The following SUGCT variants were observed in gnomAD, a reference collection of about 807,000 sequenced individuals.
The protein encoded by SUGCT is succinyl-CoA:glutarate-CoA transferase, also known as succinyl-CoA:glutarate CoA-transferase.
A neutral mutation model predicts 55.0 loss-of-function variants in SUGCT; 41 were observed. The ratio of observed to expected loss-of-function variants is 0.74; its 90% CI spans 0.58 to 0.97. The LOEUF is 0.97. Ranked by LOEUF, SUGCT falls within the 50% of genes least tolerant of loss-of-function variation. The pLI is 0.00. For missense variants in SUGCT, 568 were observed against 547.8 expected, an observed-to-expected ratio of 1.04 and a Z score of -0.37; for synonymous variants, 187 against 200.4, an observed-to-expected ratio of 0.93 and a Z score of 0.56.
chr7:40,836,191 C>G (rs545053426), intron 13 of SUGCT, among the ~76,000 whole-genome samples: 1 of 152,210 alleles, frequency 6.6e-6, no homozygotes, highest in African/African-American at 2.4e-5. Context: ...GAGCCCTGTG[C>G]TCAGGCATAT....
intron 1 of SUGCT, among the ~76,000 whole-genome samples, chr7:40,158,004 C>T (rs1050442518): frequency 5.3e-5 from 8 of 151,904 alleles, no homozygotes; most frequent in Non-Finnish European, 8.8e-5. Context: ...GTCAAGAGTT[C>T]AAGACCAGCC....
At chr7:40,594,745 T>C (rs1393288346) in intron 12 of SUGCT, among the ~76,000 whole-genome samples, 1 of 152,176 alleles carries the variant, frequency 6.6e-6, no homozygotes, top group South Asian at 2.1e-4. Context: ...TAGGACATCA[T>C]TGGTGAATTT....
intron 12 of SUGCT, among the ~76,000 whole-genome samples, chr7:40,672,706 G>A (rs982667882): frequency 2.6e-5 from 4 of 152,126 alleles, no homozygotes; most frequent in African/African-American, 9.7e-5. Flanking sequence ...TTTACAAGAT[G>A]TTACCATTGA....
chr7:40,193,282 T>G lies in SUGCT; in HGVS notation c.364-1658T>G, dbSNP rs1181400366. ...TATTTGGCCTGGCCAATTACTGTGT[T>G]TTTTTTTTTTTTTTTTTTTTGAGAT... On this transcript the variant is annotated intron_variant, in intron 5 of 13. Transcript: ENST00000335693. Among the ~76,000 whole-genome samples the G allele has an allele frequency of 1.3e-3, 171 of 132,194 alleles. 6 individuals carry two copies. Among genetic ancestry groups the G allele is most frequent in the Non-Finnish European group, 2.1e-3 (126 of 61,410 alleles). 86.7% of individuals were successfully genotyped at this position (132,194 alleles called of 152,430 possible). A position where few individuals can be genotyped will look rare whatever the true frequency, so the allele number is the denominator to read the frequency against.
At position 40,309,759 on chromosome 7, in the gene SUGCT, A is replaced by G. The variant is rs184498939; in HGVS notation, c.721-7001A>G. Reference sequence around the variant, plus strand: ...ATAGCATCTTATATTGTCACAAAGTAAGGGAGTGCTAAAAACAAAGCCCAC... The same window carrying G: ...ATAGCATCTTATATTGTCACAAAGTGAGGGAGTGCTAAAAACAAAGCCCAC... On this transcript the variant is annotated intron_variant, in intron 8 of 13. Transcript: ENST00000335693. Among the ~76,000 whole-genome samples the G allele has an allele frequency of 2.8e-3, 420 of 152,310 alleles. 1 individual carries two copies. Among genetic ancestry groups the G allele is most frequent in the Middle Eastern group, 0.01 (3 of 294 alleles).
chr7:40,461,461 C>G (rs1009522689), intron 11 of SUGCT, among the ~76,000 whole-genome samples: 2 of 152,098 alleles, frequency 1.3e-5, no homozygotes, highest in Non-Finnish European at 2.9e-5. Flanking sequence ...GTTTAGTTTC[C>G]TCTCTGAAAT....
chr7:40,169,871 T>G (rs931700176), intron 1 of SUGCT, among the ~76,000 whole-genome samples: 1 of 152,166 alleles, frequency 6.6e-6, no homozygotes, highest in Admixed American at 6.6e-5. Context: ...TGAAGTTTTT[T>G]CCTAATGTCT....
At chr7:40,552,855 C>T (rs1021782129) in intron 12 of SUGCT, among the ~76,000 whole-genome samples, 15 of 144,288 alleles carry the variant, frequency 1.0e-4, no homozygotes, top group African/African-American at 3.8e-4. Context: ...GACATAATCA[C>T]AGGATTGGAG....
chr7:40,349,339 A>G (rs963625944), intron 9 of SUGCT, among the ~76,000 whole-genome samples: 1 of 152,044 alleles, frequency 6.6e-6, no homozygotes, highest in African/African-American at 2.4e-5. Flanking sequence ...TTCAGTGACT[A>G]ACTTACTTTC....
chr7:41,031,731 C>CCACCCACT, the SUGCT span, among the ~76,000 whole-genome samples: 30 of 152,102 alleles, frequency 2.0e-4, no homozygotes, highest in Admixed American at 1.3e-3. Context: ...CTAGAATGAC[C>CCACCCACT]CACCCACTCA....
intron 9 of SUGCT, among the ~76,000 whole-genome samples, chr7:40,355,069 A>T (rs1474734987): frequency 1.3e-5 from 2 of 152,144 alleles, no homozygotes; most frequent in African/African-American, 4.8e-5. Flanking sequence ...AAACTCCAGG[A>T]GATTTGCAGG....
chr7:40,879,258 C>T, the SUGCT span, among the ~76,000 whole-genome samples: 5 of 152,136 alleles, frequency 3.3e-5, no homozygotes, highest in African/African-American at 1.2e-4. Flanking sequence ...AATTTTAAAA[C>T]ATATATAAAG....
At chr7:40,249,610 T>TA (rs1790217998) in intron 7 of SUGCT, among the ~76,000 whole-genome samples, 1 of 151,772 alleles carries the variant, frequency 6.6e-6, no homozygotes, top group Non-Finnish European at 1.5e-5. Context: ...AAGTATTAGT[T>TA]CACTAACAAA....
intron 9 of SUGCT, among the ~76,000 whole-genome samples, chr7:40,436,889 A>G (rs952025440): frequency 2.6e-5 from 4 of 152,110 alleles, no homozygotes; most frequent in African/African-American, 9.7e-5. Flanking sequence ...TGAAAAATCA[A>G]TATGGTCTCT....
intron 12 of SUGCT, among the ~76,000 whole-genome samples, chr7:40,559,512 C>G (rs899819303): frequency 9.9e-5 from 15 of 152,176 alleles, no homozygotes; most frequent in African/African-American, 3.6e-4. Context: ...ACATTTCCCT[C>G]ATTTTTATCA....
chr7:40,893,626 G>T, the SUGCT span, among the ~76,000 whole-genome samples: 1 of 151,938 alleles, frequency 6.6e-6, no homozygotes, highest in African/African-American at 2.4e-5. Context: ...AATAAATAAA[G>T]AATTTTTAAA....
chr7:40,823,274 C>T (rs1254384522), intron 13 of SUGCT, among the ~76,000 whole-genome samples: 1 of 152,070 alleles, frequency 6.6e-6, no homozygotes, highest in Non-Finnish European at 1.5e-5. Flanking sequence ...AAGGTCACTC[C>T]GATTTCTCTT....
intron 12 of SUGCT, among the ~76,000 whole-genome samples, chr7:40,554,695 A>G (rs1795471696): frequency 6.6e-6 from 1 of 152,186 alleles, no homozygotes; most frequent in Admixed American, 6.5e-5. Flanking sequence ...TGTGTTTGTC[A>G]TATTCTTAAT....
At chr7:40,170,308 C>T (rs1013434756) in intron 1 of SUGCT, among the ~76,000 whole-genome samples, 1 of 152,178 alleles carries the variant, frequency 6.6e-6, no homozygotes, top group African/African-American at 2.4e-5. Context: ...AACATTATAT[C>T]TCTCCATGTC....
Sources: gnomAD v4.1 joint callset for allele counts (sites outside exome capture counted in the v4.1 genomes callset) on GRCh38, gnomAD v4.1.1 for gene constraint, MANE v1.5 for transcripts, NCBI Gene and HGNC (gene_info 2026-07-23, HGNC 2026-07-21) for gene names.